Variants in PAH observed in about 807,000 individuals in gnomAD.
The protein encoded by PAH is phenylalanine-4-hydroxylase.
A neutral mutation model predicts 62.0 loss-of-function variants in PAH; 64 were observed. The observed-to-expected ratio is 1.03, with a 90% CI of 0.84 to 1.27. The LOEUF is 1.27. Among genes scored for constraint, PAH ranks in the 50% most tolerant of loss-of-function variants. The pLI is 0.00. For synonymous variants in PAH, 195 were observed against 196.2 expected (o/e 0.99, Z 0.05); for missense variants, 579 against 542.8 (o/e 1.07, Z -0.66).
intron 2 of PAH, among the ~76,000 whole-genome samples, chr12:102,896,128 A>C (rs912415684): frequency 3.3e-5 from 5 of 152,170 alleles, no homozygotes; most frequent in Non-Finnish European, 7.3e-5. Flanking sequence ...AGGGGGAAGC[A>C]AATGGGCATT....
At chr12:102,891,309 C>G (rs1877265314) in intron 3 of PAH, among the ~76,000 whole-genome samples, 1 of 152,076 alleles carries the variant, frequency 6.6e-6, no homozygotes, top group Admixed American at 6.5e-5. Context: ...CAGAGCTGCT[C>G]TCAACACACC....
chr12:102,848,190 G>T (rs548497770), intron 8 of PAH, among the ~76,000 whole-genome samples: 1 of 92,228 alleles, frequency 1.1e-5, no homozygotes, highest in Non-Finnish European at 2.1e-5. Flanking sequence ...AGATGGTAGG[G>T]GTTGAGGGTA....
intron 3 of PAH, among the ~76,000 whole-genome samples, chr12:102,881,160 C>T (rs897532944): frequency 4.0e-5 from 6 of 151,022 alleles, no homozygotes; most frequent in African/African-American, 1.5e-4. Flanking sequence ...AATACAGGTG[C>T]GTGCCACCAC....
Position 102,917,031 on chromosome 12 carries a change from A to C in PAH, c.60+40T>G, listed in dbSNP as rs199475683. 1 of 1,599,288 alleles carries C rather than the reference A, an allele frequency of 6.3e-7. No homozygotes were observed. Among genetic ancestry groups the C allele is most frequent in the South Asian group, 1.1e-5 (1 of 90,738 alleles). ...TTCGGATCTCTTTCTCTGGAGGCCC[A>C]AATTCCCCTAACTGAGCAGCTCAGG... On this transcript the variant is annotated intron_variant, in intron 1 of 12. Transcript: ENST00000553106.
intron 5 of PAH, among the ~76,000 whole-genome samples, chr12:102,858,862 G>A (rs983336402): frequency 6.6e-6 from 1 of 152,146 alleles, no homozygotes; most frequent in East Asian, 1.9e-4. Context: ...ATGCCCACAA[G>A]AGAAAGCAGG....
At chr12:102,855,104 C>G in intron 6 of PAH, 32 bp downstream of exon 6, 1 of 1,576,976 alleles carries the variant, frequency 6.3e-7, no homozygotes, top group Non-Finnish European at 8.7e-7. Context: ...CCCCAACTTT[C>G]TGCAGGGCCA....
intron 11 of PAH, among the ~76,000 whole-genome samples, chr12:102,840,945 T>C (rs1368760998): frequency 2.0e-5 from 3 of 152,230 alleles, no homozygotes; most frequent in African/African-American, 7.2e-5. Flanking sequence ...GAAAGCACTA[T>C]GTTAATAATG....
chr12:102,927,416 C>T (rs1396259464), intron 1 of PAH, among the ~76,000 whole-genome samples: 1 of 151,776 alleles, frequency 6.6e-6, no homozygotes, highest in Non-Finnish European at 1.5e-5. Flanking sequence ...CTTCTGTCTC[C>T]TCTCCTGGAC....
chr12:102,879,167 G>A (rs1876710306), intron 3 of PAH, among the ~76,000 whole-genome samples: 1 of 152,110 alleles, frequency 6.6e-6, no homozygotes, highest in Non-Finnish European at 1.5e-5. Flanking sequence ...ACTATAGGAA[G>A]AACAGCAAAC....
At chr12:102,851,872 G>A in intron 7 of PAH, 116 bp from the exon 8 acceptor site, 1 of 766,148 alleles carries the variant, frequency 1.3e-6, no homozygotes. Context: ...TTAGGCTTAT[G>A]ATCCCTCTCC....
intron 10 of PAH, 107 bp downstream of exon 10, chr12:102,844,229 C>T (rs1308421780): frequency 1.3e-6 from 1 of 782,350 alleles, no homozygotes; most frequent in East Asian, 2.6e-5. Flanking sequence ...TCCCAGGTTG[C>T]ATATCAAAAC....
chr12:102,899,729 G>A lies in PAH; in HGVS notation c.169-4811C>T, dbSNP rs572612288. On this transcript the variant is annotated intron_variant, in intron 2 of 12. Coordinates refer to ENST00000553106, the MANE Select transcript of PAH (RefSeq NM_000277.3). The stretch of plus-strand genomic sequence containing the variant: ...AAAAAATTAGCCGGGCGTAGTGGCG[G>A]GCGCCTGTAGTCCCAGCTACTTGGG... Among the ~76,000 whole-genome samples the A allele has an allele frequency of 2.2e-3, 331 of 148,012 alleles. 2 individuals carry two copies. Among genetic ancestry groups the A allele is most frequent in the African/African-American group, 7.6e-3 (304 of 40,222 alleles).
intron 3 of PAH, among the ~76,000 whole-genome samples, chr12:102,880,748 AC>A (rs1876779749): frequency 6.6e-6 from 1 of 152,170 alleles, no homozygotes; most frequent in African/African-American, 2.4e-5. Context: ...GGCAGGGACA[AC>A]ACGAGATAAG....
intron 1 of PAH, among the ~76,000 whole-genome samples, chr12:102,934,943 G>C (rs1054891858): frequency 6.6e-6 from 1 of 151,500 alleles, no homozygotes; most frequent in Admixed American, 6.6e-5. Context: ...TAGAACTTCA[G>C]TGGTTAAAGT....
chr12:102,913,752 A>C (rs547400268), intron 1 of PAH: 1 of 695,128 alleles, frequency 1.4e-6, no homozygotes, highest in African/African-American at 1.8e-5. Flanking sequence ...TCAGAAAATA[A>C]ACTTAGTCTT....
intron 4 of PAH, among the ~76,000 whole-genome samples, chr12:102,872,193 G>C (rs936430270): frequency 6.6e-6 from 1 of 152,058 alleles, no homozygotes; most frequent in African/African-American, 2.4e-5. Flanking sequence ...TTTCTGCCTA[G>C]TAGAAAGGTT....
At chr12:102,900,235 G>C (rs12815628) in intron 2 of PAH, among the ~76,000 whole-genome samples, 1 of 151,874 alleles carries the variant, frequency 6.6e-6, no homozygotes, top group Non-Finnish European at 1.5e-5. Context: ...ATTTTTAGTA[G>C]AGATGAGGTT....
At chr12:102,944,122 C>T (rs954776595) in intron 1 of PAH, among the ~76,000 whole-genome samples, 21 of 152,152 alleles carry the variant, frequency 1.4e-4, no homozygotes, top group African/African-American at 3.6e-4. Context: ...TCCACTGAAA[C>T]GTCTACTGTC....
intron 10 of PAH, 36 bp from the exon 11 acceptor site, chr12:102,843,815 A>G (rs1874707937): frequency 6.2e-7 from 1 of 1,607,946 alleles, no homozygotes; most frequent in African/African-American, 1.3e-5. Context: ...TATCACTGTT[A>G]AATCAGGATC....
Sources: allele counts gnomAD v4.1 joint callset (sites outside exome capture counted in the v4.1 genomes callset), GRCh38; gene constraint gnomAD v4.1.1; transcripts MANE v1.5; gene names NCBI Gene and HGNC (gene_info 2026-07-23, HGNC 2026-07-21).